Variants in FBXO21 observed in about 807,000 individuals in gnomAD.
FBXO21 encodes the protein F-box only protein 21.
In FBXO21, 32 loss-of-function variants were observed where a neutral mutation model predicts 76.6. The ratio of observed to expected loss-of-function variants is 0.42; its 90% CI spans 0.32 to 0.56. The LOEUF is 0.56. FBXO21 is among the 20% of genes least tolerant of loss of function. The probability of loss-of-function intolerance (pLI) is 0.16; values close to 1 mark genes in which losing one functional copy is unlikely to be tolerated. For missense variants in FBXO21, 586 were observed against 797.3 expected, an observed-to-expected ratio of 0.73 and a Z score of 3.19; for synonymous variants, 328 against 311.5, an observed-to-expected ratio of 1.05 and a Z score of -0.56.
At position 117,157,862 on chromosome 12, in the gene FBXO21, C is replaced by T. The variant is rs1316489211; in HGVS notation, c.1517+11G>A. On this transcript the variant is annotated intron_variant, in intron 10 of 11. Coordinates refer to ENST00000622495, the MANE Select transcript of FBXO21 (RefSeq NM_015002.3). ...ACGGACACTGCAGGACAGATGATCC[C>T]GGGCACTCACCTCTTATGCTTCATA... The T allele has an allele frequency of 1.2e-5, 19 of 1,586,254 alleles. No individual in the cohort carries two copies. The highest frequency in any genetic ancestry group is 1.8e-4 in the Middle Eastern group (1 of 5,410).
intron 11 of FBXO21, among the ~76,000 whole-genome samples, chr12:117,151,591 G>A (rs186452419): frequency 1.3e-5 from 2 of 152,306 alleles, no homozygotes; most frequent in East Asian, 3.9e-4. Context: ...ACCCAGAAAT[G>A]TTCAAAAAAT....
intron 11 of FBXO21, chr12:117,154,165 T>C (rs10850775): frequency 0.18 from 27,610 of 152,210 alleles, 3,135 homozygotes; most frequent in East Asian, 0.41. Flanking sequence ...GTCCAAATCA[T>C]GTGTTGATTT....
chr12:117,171,147 T>G (rs923168621), intron 7 of FBXO21, among the ~76,000 whole-genome samples: 1 of 152,044 alleles, frequency 6.6e-6, no homozygotes, highest in Non-Finnish European at 1.5e-5. Flanking sequence ...GCGGATCACT[T>G]GAACTCAGGC....
chr12:117,157,797 G>A, intron 10 of FBXO21, 76 bp downstream of exon 10: 1 of 1,328,494 alleles, frequency 7.5e-7, no homozygotes, highest in South Asian at 1.4e-5. Flanking sequence ...GTGTCCTGGG[G>A]GCTCACCAGG....
Position 117,189,078 on chromosome 12 carries a change from A to C in FBXO21, c.375+149T>G, listed in dbSNP as rs142514158. 8.4e-4 allele frequency: 702 copies of C among 835,820 alleles called. 4 individuals carry two copies. Among genetic ancestry groups the C allele is most frequent in the African/African-American group, 7.4e-3 (438 of 58,972 alleles). The allele number at this position is 835,820 out of a possible 1,614,324, so 51.8% of individuals were successfully genotyped here. A position where few individuals can be genotyped will look rare whatever the true frequency, so the allele number is the denominator to read the frequency against. On this transcript the variant is annotated intron_variant, in intron 2 of 11. Coordinates refer to ENST00000622495, the MANE Select transcript of FBXO21 (RefSeq NM_015002.3). ...TGTTGTTGGATAGGAGGAAAAGGAC[A>C]CAATGACTCTTGCAGCCATCTAAGT...
At chr12:117,150,412 A>G (rs1231904298) in intron 11 of FBXO21, among the ~76,000 whole-genome samples, 1 of 152,220 alleles carries the variant, frequency 6.6e-6, no homozygotes, top group Non-Finnish European at 1.5e-5. Context: ...CCTCTCCAAG[A>G]GAAAAGCACC....
At chr12:117,173,832 A>G (rs1230873153) in intron 6 of FBXO21, among the ~76,000 whole-genome samples, 2 of 152,196 alleles carry the variant, frequency 1.3e-5, no homozygotes, top group Non-Finnish European at 2.9e-5. Context: ...TGTACGGTCC[A>G]TCAGAGAGAA....
In FBXO21 at chr12:117,164,347, G is replaced by C. The variant is rs150168017; in HGVS notation, c.1326+1138C>G. On this transcript the variant is annotated intron_variant, in intron 9 of 11. Transcript: ENST00000622495. Reference sequence around the variant, plus strand: ...GCTAGAGTGAAGTGGCATGGTATCAGCTCACTGCAACCTCCGCCTCCTGGG... The same window carrying C: ...GCTAGAGTGAAGTGGCATGGTATCACCTCACTGCAACCTCCGCCTCCTGGG... Among the ~76,000 whole-genome samples the C allele has an allele frequency of 6.6e-3, 978 of 148,700 alleles. 22 individuals carry two copies. The highest frequency in any genetic ancestry group is 0.023 in the African/African-American group (929 of 39,738).
Position 117,174,686 on chromosome 12 carries a change from A to C in FBXO21, c.704T>G (p.Ile235Arg). Residue 235 changes from isoleucine to arginine, a missense_variant, in exon 5 of 12, where the codon ATA becomes AGA. Ile to Arg is a moderately conservative substitution (Grantham distance 97). Around this residue, in one of 6 missense-constraint regions of FBXO21, gnomAD observed 246 missense variants for 356.8 expected, o/e 0.69. Coordinates refer to ENST00000622495, the MANE Select transcript of FBXO21 (RefSeq NM_015002.3). ...GGCCAAGCTGGGGTGGCGACTGTTT[A>C]TGCCCCGAAGGGTTTTGCAAACAAG... is the stretch of plus-strand genomic sequence containing the variant. ...VELVCKTLRG[I>R]NSRHPSLAFK... 6.2e-7 allele frequency: 1 copy of C among 1,614,212 alleles called. No individual in the cohort carries two copies. Among genetic ancestry groups the C allele is most frequent in the Non-Finnish European group, 8.5e-7 (1 of 1,180,028 alleles).
intron 4 of FBXO21, among the ~76,000 whole-genome samples, chr12:117,176,031 A>T (rs1956170021): frequency 6.6e-6 from 1 of 152,262 alleles, no homozygotes; most frequent in Non-Finnish European, 1.5e-5. Flanking sequence ...ATTTATTTTA[A>T]TCAACTGAAA....
chr12:117,162,004 T>C (rs868422467), intron 9 of FBXO21, among the ~76,000 whole-genome samples: 2 of 152,170 alleles, frequency 1.3e-5, no homozygotes, highest in Admixed American at 6.5e-5. Flanking sequence ...ACAGTGCCTA[T>C]GGAGGAGGCA....
At chr12:117,150,961 TG>T (rs1955835068) in intron 11 of FBXO21, among the ~76,000 whole-genome samples, 1 of 31,572 alleles carries the variant, frequency 3.2e-5, no homozygotes, top group Non-Finnish European at 5.7e-5. Context: ...TAAGTTTGTG[TG>T]TGTGTGTGTG....
chr12:117,178,806 T>C (rs1956201492), intron 3 of FBXO21, among the ~76,000 whole-genome samples: 1 of 152,136 alleles, frequency 6.6e-6, no homozygotes, highest in Non-Finnish European at 1.5e-5. Context: ...CCTGCCTTCT[T>C]CCCCGATTAT....
chr12:117,147,459 C>T (rs1188705278), intron 11 of FBXO21, among the ~76,000 whole-genome samples: 4 of 150,346 alleles, frequency 2.7e-5, no homozygotes, highest in Middle Eastern at 3.5e-3. Flanking sequence ...ATTAGCTGGG[C>T]GTCATGGCGG....
chr12:117,157,811 A>T, intron 10 of FBXO21, 62 bp downstream of exon 10: 1 of 1,440,246 alleles, frequency 6.9e-7, no homozygotes, highest in Non-Finnish European at 9.5e-7. Flanking sequence ...CACCAGGTGC[A>T]TGTGTGTCTC....
chr12:117,186,850 G>A (rs1445624617), intron 2 of FBXO21, among the ~76,000 whole-genome samples: 1 of 152,230 alleles, frequency 6.6e-6, no homozygotes, highest in Non-Finnish European at 1.5e-5. Context: ...GCTCTGGCCG[G>A]CCATAGTGGT....
intron 3 of FBXO21, among the ~76,000 whole-genome samples, chr12:117,182,076 A>T (rs1592896002): frequency 6.6e-6 from 1 of 152,222 alleles, no homozygotes; most frequent in Non-Finnish European, 1.5e-5. Flanking sequence ...TATGGAAACT[A>T]CACTTTTTCC....
At chr12:117,183,688 C>T (rs941831550) in intron 3 of FBXO21, among the ~76,000 whole-genome samples, 2 of 152,202 alleles carry the variant, frequency 1.3e-5, no homozygotes, top group Admixed American at 6.5e-5. Flanking sequence ...CTACTGACTT[C>T]GTTCATGCTC....
chr12:117,189,367 G>C lies in FBXO21; in HGVS notation c.240-5C>G. The C allele has an allele frequency of 6.2e-7, 1 of 1,614,094 alleles. No individual in the cohort carries two copies. The highest frequency in any genetic ancestry group is 8.5e-7 in the Non-Finnish European group (1 of 1,179,994). On this transcript the variant is annotated splice_region_variant and splice_polypyrimidine_tract_variant and intron_variant, in intron 1 of 11. Coordinates refer to ENST00000622495, the MANE Select transcript of FBXO21 (RefSeq NM_015002.3). ...TGTTTCATAAGGGAAGGCCACCTAC[G>C]AGGAGAGAAACACCCCCTCAGCTTA...
Sources: allele counts gnomAD v4.1 joint callset (sites outside exome capture counted in the v4.1 genomes callset), GRCh38; gene constraint gnomAD v4.1.1; regional missense constraint gnomAD v4.1.1; transcripts MANE v1.5; gene names NCBI Gene and HGNC (gene_info 2026-07-23, HGNC 2026-07-21).